HDAC9: variants seen among roughly 807,000 people sequenced by gnomAD.
The protein encoded by HDAC9 is histone deacetylase 9, also known as MEF-2 interacting transcription repressor (MITR) protein.
A neutral mutation model predicts 139.4 loss-of-function variants in HDAC9; 41 were observed. The ratio of observed to expected loss-of-function variants is 0.29; its 90% CI spans 0.23 to 0.38. The LOEUF is 0.38. Ranked by LOEUF, HDAC9 falls within the 10% of genes least tolerant of loss-of-function variation. The pLI, the probability that HDAC9 is intolerant of heterozygous loss-of-function variation, is 1.00. For missense variants in HDAC9, 1,147 were observed against 1,297.0 expected (o/e 0.88, Z 1.78); for synonymous variants, 517 against 476.2 (o/e 1.09, Z -1.12).
intron 2 of HDAC9, among the ~76,000 whole-genome samples, chr7:18,567,770 T>A (rs1257838605): frequency 6.6e-6 from 1 of 152,096 alleles, no homozygotes; most frequent in Non-Finnish European, 1.5e-5. Flanking sequence ...ACTACAGATC[T>A]ATTACTAGGG....
intron 15 of HDAC9, among the ~76,000 whole-genome samples, chr7:18,766,127 A>G (rs780995929): frequency 7.2e-5 from 11 of 152,224 alleles, no homozygotes; most frequent in African/African-American, 1.4e-4. Flanking sequence ...TTGAGCATCA[A>G]TAGAACAAAT....
In HDAC9 at chr7:18,585,513, G is replaced by A. The variant is rs771521226; in HGVS notation, c.255G>A (p.Glu85=). Residue 85 remains glutamate (E), a synonymous_variant, in exon 3 of 26, where the codon GAG becomes GAA. Transcript: ENST00000686413. ...LTRQHQAQLQ[E]HIKLQQELLA... ...GGCAGCACCAGGCTCAGCTTCAGGA[G>A]CATATCAAGGTAGCAAATGCTTCTT... The A allele has an allele frequency of 6.2e-7, 1 of 1,613,588 alleles. No individual in the cohort carries two copies. The highest frequency in any genetic ancestry group is 1.3e-5 in the African/African-American group (1 of 75,040).
chr7:18,383,306 A>G (rs534955210), intron 1 of HDAC9, among the ~76,000 whole-genome samples: 3 of 152,282 alleles, frequency 2.0e-5, no homozygotes, highest in Admixed American at 2.0e-4. Flanking sequence ...TATTGTTACC[A>G]TGGTAGACAT....
chr7:18,951,001 T>G (rs1353572671), intron 23 of HDAC9, among the ~76,000 whole-genome samples: 1 of 151,920 alleles, frequency 6.6e-6, no homozygotes, highest in Non-Finnish European at 1.5e-5. Flanking sequence ...TTCTAAGTCA[T>G]GCAAATAAAA....
intron 13 of HDAC9, among the ~76,000 whole-genome samples, chr7:18,747,757 T>C (rs1354639931): frequency 6.6e-6 from 1 of 152,226 alleles, no homozygotes; most frequent in African/African-American, 2.4e-5. Flanking sequence ...TAAAATTATA[T>C]TCTTTTGTTA....
chr7:18,984,372 G>C (rs1785159858), intron 25 of HDAC9, among the ~76,000 whole-genome samples: 1 of 152,056 alleles, frequency 6.6e-6, no homozygotes, highest in African/African-American at 2.4e-5. Context: ...AGGGATCATG[G>C]CACAAAATTT....
Position 18,226,472 on chromosome 7 carries a change from G to A in HDAC9, c.25+64123G>A, listed in dbSNP as rs75950617. Among the ~76,000 whole-genome samples, 54 of 152,182 alleles carry A rather than the reference G, an allele frequency of 3.5e-4. No individual in the cohort carries two copies. The East Asian group carries it at 0.01, about 28-fold the overall frequency. ...TACATTGCCCTTTTTAAATCTACCAGGTCAGTCACTCCTCCTGGAAGAATA... is the reference window on the plus strand; with the variant it reads ...TACATTGCCCTTTTTAAATCTACCAAGTCAGTCACTCCTCCTGGAAGAATA... On this transcript the variant is annotated intron_variant, in intron 2 of 12. Coordinates refer to the HDAC9 transcript ENST00000417496.
At position 18,949,349 on chromosome 7, in the gene HDAC9, T is replaced by C. The variant is rs74863881; in HGVS notation, c.2938-4797T>C. ...CTAGAGGCAGCTCGCTTTCCAGATA[T>C]ACTTAAGAGCTTTGCATCCTCCTCC... On this transcript the variant is annotated intron_variant, in intron 23 of 25. Coordinates refer to ENST00000686413, the MANE Select transcript of HDAC9 (RefSeq NM_178425.4). The C allele has an allele frequency of 1.0e-3, 266 of 260,158 alleles. 3 individuals are homozygous for C. The highest frequency in any genetic ancestry group is 5.7e-3 in the African/African-American group (248 of 43,634). 16.1% of individuals were successfully genotyped at this position (260,158 alleles called of 1,614,324 possible). A position where few individuals can be genotyped will look rare whatever the true frequency, so the allele number is the denominator to read the frequency against.
At chr7:18,521,350 G>T (rs956650762) in intron 2 of HDAC9, among the ~76,000 whole-genome samples, 10 of 152,272 alleles carry the variant, frequency 6.6e-5, no homozygotes, top group Non-Finnish European at 1.0e-4. Flanking sequence ...CCAGGGTACA[G>T]ATTTTTAAGA....
intron 8 of HDAC9, among the ~76,000 whole-genome samples, chr7:18,643,353 C>G (rs1050046445): frequency 1.3e-5 from 2 of 152,122 alleles, no homozygotes; most frequent in African/African-American, 4.8e-5. Flanking sequence ...AATGTTATTG[C>G]TTTCAACATA....
chr7:18,597,649 T>C (rs1186923492), intron 6 of HDAC9, among the ~76,000 whole-genome samples: 1 of 152,202 alleles, frequency 6.6e-6, no homozygotes, highest in Non-Finnish European at 1.5e-5. Flanking sequence ...CCAGTGAGTG[T>C]GTGCATATGT....
At chr7:18,628,313 G>T (rs1842240198) in intron 6 of HDAC9, among the ~76,000 whole-genome samples, 1 of 152,100 alleles carries the variant, frequency 6.6e-6, no homozygotes, top group Non-Finnish European at 1.5e-5. Context: ...CTGTCTGTCT[G>T]TTTTGGTTTC....
rs529394948 is a variant in HDAC9, at chr7:18,339,128, G to A, written c.-42+48613G>A. The stretch of plus-strand genomic sequence containing the variant: ...CGTCATTATTTCCATTCCTAATATT[G>A]GTAATTAGTATCTTGCCTTTTTTTT... On this transcript the variant is annotated intron_variant, in intron 1 of 3. Transcript: ENST00000413509. 2.0e-5 allele frequency among the ~76,000 whole-genome samples: 3 copies of A among 151,420 alleles called. No homozygotes were observed. In the South Asian group the frequency reaches 6.2e-4, roughly 31 times the overall value.
intron 2 of HDAC9, among the ~76,000 whole-genome samples, chr7:18,553,426 C>A (rs1341400262): frequency 6.6e-6 from 1 of 152,086 alleles, no homozygotes; most frequent in Non-Finnish European, 1.5e-5. Flanking sequence ...AAAAATAAAT[C>A]ATGGCAATTT....
chr7:18,606,954 C>A (rs1318958247), intron 6 of HDAC9, among the ~76,000 whole-genome samples: 1 of 151,740 alleles, frequency 6.6e-6, no homozygotes, highest in African/African-American at 2.4e-5. Flanking sequence ...AGTATTTACC[C>A]AACAATTAAA....
chr7:18,457,387 T>G (rs1374848558), intron 1 of HDAC9, among the ~76,000 whole-genome samples: 3 of 152,192 alleles, frequency 2.0e-5, no homozygotes, highest in African/African-American at 7.2e-5. Flanking sequence ...AGAAATAAAA[T>G]TGCTTCAGTG....
chr7:18,608,470 T>C (rs1348521501), intron 6 of HDAC9, among the ~76,000 whole-genome samples: 1 of 152,178 alleles, frequency 6.6e-6, no homozygotes, highest in Non-Finnish European at 1.5e-5. Context: ...ATTTCAATAT[T>C]CACAGTGATT....
At chr7:18,859,854 A>ATGTGTGTGTGTGTGTGTGTGTGTGTG (rs1797975861) in intron 21 of HDAC9, among the ~76,000 whole-genome samples, 2 of 121,930 alleles carry the variant, frequency 1.6e-5, no homozygotes, top group South Asian at 2.7e-4. Context: ...ATATATATAT[A>ATGTGTGTGTGTGTGTGTGTGTGTGTG]TATATGTGAG....
At chr7:18,477,654 G>A (rs896550558) in intron 1 of HDAC9, among the ~76,000 whole-genome samples, 6 of 152,146 alleles carry the variant, frequency 3.9e-5, no homozygotes, top group African/African-American at 1.4e-4. Context: ...TAAAGCCAGA[G>A]AGGAGCTTAT....
Sources: gnomAD v4.1 joint callset for allele counts (sites outside exome capture counted in the v4.1 genomes callset) on GRCh38, gnomAD v4.1.1 for gene constraint, MANE v1.5 for transcripts, NCBI Gene and HGNC (gene_info 2026-07-23, HGNC 2026-07-21) for gene names.